The following MTUS2 variants were observed in gnomAD, a reference collection of about 807,000 sequenced individuals.
MTUS2 encodes the protein microtubule associated scaffold protein 2, also known as microtubule-associated tumor suppressor candidate 2.
Under a neutral mutation model 114.1 loss-of-function variants are expected in MTUS2, and 40 were observed. That is an observed-to-expected ratio of 0.35 (90% CI 0.27 to 0.46). The LOEUF (loss-of-function observed/expected upper bound fraction) is 0.46. MTUS2 is among the 20% of genes least tolerant of loss of function. The pLI is 1.00. For missense variants in MTUS2, 1,679 were observed against 1,705.4 expected, an observed-to-expected ratio of 0.98 and a Z score of 0.27; for synonymous variants, 688 against 672.0, an observed-to-expected ratio of 1.02 and a Z score of -0.37.
At chr13:29,433,041 C>T (rs7325777) in intron 8 of MTUS2, among the ~76,000 whole-genome samples, 124,014 of 151,740 alleles carry the variant, frequency 0.82, 51,152 homozygotes, top group African/African-American at 0.87. Context: ...CTAATTCTCC[C>T]TTCTCCTGCA....
At chr13:29,174,422 A>G (rs916284780) in intron 5 of MTUS2, among the ~76,000 whole-genome samples, 4 of 152,180 alleles carry the variant, frequency 2.6e-5, no homozygotes, top group African/African-American at 9.7e-5. Flanking sequence ...TCAGAACCAG[A>G]ACAGTAGCTT....
intron 4 of MTUS2, among the ~76,000 whole-genome samples, chr13:29,061,500 A>C (rs1565986444): frequency 6.6e-6 from 1 of 152,208 alleles, no homozygotes; most frequent in East Asian, 1.9e-4. Flanking sequence ...ATTCATCCAA[A>C]GGGTTAATGG....
At chr13:29,197,487 G>T (rs1008806120) in intron 5 of MTUS2, among the ~76,000 whole-genome samples, 19 of 152,098 alleles carry the variant, frequency 1.2e-4, no homozygotes, top group Non-Finnish European at 2.2e-4. Context: ...ATTTGGGTTG[G>T]TTCCAAGTCT....
intron 5 of MTUS2, among the ~76,000 whole-genome samples, chr13:29,249,019 G>A (rs1051208812): frequency 4.6e-5 from 7 of 151,968 alleles, no homozygotes; most frequent in South Asian, 2.1e-4. Context: ...ACAGAGTCTC[G>A]CTCTGTCACC....
rs150612706 is a variant in MTUS2, at chr13:28,994,156, G to A, written c.-242-30301G>A. Among the ~76,000 whole-genome samples the A allele has an allele frequency of 3.4e-4, 51 of 152,150 alleles. 1 individual carries two copies. The East Asian group carries it at 9.3e-3, about 28-fold the overall frequency. ...TATGAGTGAGAACATGCAGTGTTTGGTTTTTTGTCCTTGGGATAGTTTGCT... is the reference window on the plus strand; with the variant it reads ...TATGAGTGAGAACATGCAGTGTTTGATTTTTTGTCCTTGGGATAGTTTGCT... On this transcript the variant is annotated intron_variant, in intron 2 of 15. Coordinates refer to ENST00000612955, the MANE Select transcript of MTUS2 (RefSeq NM_001033602.4).
chr13:29,254,138 G>A lies in MTUS2; in HGVS notation c.2645-27566G>A, dbSNP rs1159575362. The stretch of plus-strand genomic sequence containing the variant: ...CAAGATAGGGAAGCTGGACCATGAT[G>A]AGGATGAGAGGGTTGGGTTGCAATT... On this transcript the variant is annotated intron_variant, in intron 5 of 15. Coordinates refer to ENST00000612955, the MANE Select transcript of MTUS2 (RefSeq NM_001033602.4). Among the ~76,000 whole-genome samples, 3 of 152,216 alleles carry A rather than the reference G, an allele frequency of 2.0e-5. No individual in the cohort carries two copies. The East Asian group carries it at 5.8e-4, about 29-fold the overall frequency.
chr13:29,282,295 C>A (rs1282748635), intron 6 of MTUS2, among the ~76,000 whole-genome samples: 2 of 152,212 alleles, frequency 1.3e-5, no homozygotes. Context: ...TGGCTCTAGG[C>A]TCACATCTCC....
chr13:29,306,697 A>C lies in MTUS2; in HGVS notation c.2807-17916A>C, dbSNP rs759966759. On this transcript the variant is annotated intron_variant, in intron 6 of 15. Coordinates refer to ENST00000612955, the MANE Select transcript of MTUS2 (RefSeq NM_001033602.4). ...ATGGATAGAAAGAATCAATATCATG[A>C]AAATGGTCGGCTCCCTGCTTCTCCT... The C allele has an allele frequency of 2.7e-4, 73 of 265,830 alleles. 1 individual carries two copies. Among genetic ancestry groups the C allele is most frequent in the Admixed American group, 4.7e-4 (10 of 21,104 alleles). 16.5% of individuals were successfully genotyped at this position (265,830 alleles called of 1,614,324 possible).
chr13:29,483,641 G>A (rs1456444885), intron 10 of MTUS2, among the ~76,000 whole-genome samples: 3 of 152,222 alleles, frequency 2.0e-5, no homozygotes, highest in Non-Finnish European at 2.9e-5. Context: ...TTAAGGACCT[G>A]AGGGAGGGGC....
chr13:29,095,680 C>T (rs1890147553), intron 4 of MTUS2, among the ~76,000 whole-genome samples: 1 of 151,888 alleles, frequency 6.6e-6, no homozygotes, highest in East Asian at 1.9e-4. Context: ...GTGCTGTGTT[C>T]CTTGGATTGT....
At chr13:28,944,180 G>C (rs747503518) in intron 2 of MTUS2, among the ~76,000 whole-genome samples, 49 of 151,638 alleles carry the variant, frequency 3.2e-4, no homozygotes, top group Non-Finnish European at 6.0e-4. Flanking sequence ...CAGGGTAATT[G>C]GTATATCCAT....
At chr13:29,278,517 A>G (rs946381349) in intron 5 of MTUS2, among the ~76,000 whole-genome samples, 1 of 152,248 alleles carries the variant, frequency 6.6e-6, no homozygotes, top group Non-Finnish European at 1.5e-5. Flanking sequence ...GCCAATAACT[A>G]TGTGAAAAAA....
chr13:28,829,166 A>T (rs1253643992), intron 1 of MTUS2, among the ~76,000 whole-genome samples: 1 of 152,184 alleles, frequency 6.6e-6, no homozygotes, highest in Non-Finnish European at 1.5e-5. Context: ...AGAACAGTGA[A>T]CTTTGTCATT....
chr13:29,432,008 C>CTTTTTTTTTTTTTTTT (rs1318136819), intron 8 of MTUS2, among the ~76,000 whole-genome samples: 1 of 119,142 alleles, frequency 8.4e-6, no homozygotes, highest in African/African-American at 3.1e-5. Flanking sequence ...CCACGCTCAG[C>CTTTTTTTTTTTTTTTT]TATTTTTTTT....
At chr13:29,021,137 T>G (rs1201059987) in intron 2 of MTUS2, among the ~76,000 whole-genome samples, 1 of 152,156 alleles carries the variant, frequency 6.6e-6, no homozygotes, top group African/African-American at 2.4e-5. Flanking sequence ...TGTGGTGGTG[T>G]GCACCTGGAG....
intron 2 of MTUS2, among the ~76,000 whole-genome samples, chr13:29,019,598 C>T (rs757851555): frequency 2.0e-5 from 3 of 152,178 alleles, no homozygotes; most frequent in South Asian, 2.1e-4. Flanking sequence ...ACAAATGTCT[C>T]GGATTGGGTC....
intron 4 of MTUS2, among the ~76,000 whole-genome samples, chr13:29,098,407 G>A (rs532172364): frequency 8.5e-5 from 13 of 152,140 alleles, no homozygotes; most frequent in South Asian, 6.2e-4. Flanking sequence ...AATTGTATGC[G>A]CAGAGAGTTG....
At chr13:29,252,989 C>T (rs1897174737) in intron 5 of MTUS2, among the ~76,000 whole-genome samples, 2 of 151,840 alleles carry the variant, frequency 1.3e-5, no homozygotes, top group Admixed American at 6.6e-5. Context: ...GTAGGGAGAA[C>T]ATTCTTCCAG....
At chr13:28,972,976 ATT>A (rs1311866766) in intron 2 of MTUS2, among the ~76,000 whole-genome samples, 9 of 152,040 alleles carry the variant, frequency 5.9e-5, no homozygotes, top group Non-Finnish European at 2.9e-5. Context: ...TCCTTGCATG[ATT>A]TTATCCTCTT....
Sources: allele counts gnomAD v4.1 joint callset (sites outside exome capture counted in the v4.1 genomes callset), GRCh38; gene constraint gnomAD v4.1.1; transcripts MANE v1.5; gene names NCBI Gene and HGNC (gene_info 2026-07-23, HGNC 2026-07-21).